Variants in APBA1 observed in about 807,000 individuals in gnomAD.
APBA1 encodes amyloid beta precursor protein binding family A member 1.
In APBA1, 55 loss-of-function variants were observed where a neutral mutation model predicts 86.6. That is an observed-to-expected ratio of 0.64 (90% confidence interval 0.51 to 0.80). APBA1 has a LOEUF of 0.80. APBA1 is among the 30% of genes least tolerant of loss of function. The pLI, the probability that APBA1 is intolerant of heterozygous loss-of-function variation, is 0.00. For missense variants in APBA1, 1,090 were observed against 1,183.0 expected, an observed-to-expected ratio of 0.92 and a Z score of 1.15; for synonymous variants, 511 against 493.9, an observed-to-expected ratio of 1.03 and a Z score of -0.46.
intron 1 of APBA1, among the ~76,000 whole-genome samples, chr9:69,608,260 T>C (rs7031694): frequency 0.33 from 50,215 of 152,048 alleles, 8,597 homozygotes; most frequent in South Asian, 0.41. Flanking sequence ...TCATAACATA[T>C]AGAAGTGTTT....
At chr9:69,633,330 T>C (rs1319370800) in intron 1 of APBA1, among the ~76,000 whole-genome samples, 1 of 151,686 alleles carries the variant, frequency 6.6e-6, no homozygotes, top group Admixed American at 6.6e-5. Context: ...GAACCCAGAC[T>C]GACACATAGG....
chr9:69,662,185 G>C (rs141187430), intron 1 of APBA1, among the ~76,000 whole-genome samples: 1 of 152,246 alleles, frequency 6.6e-6, no homozygotes, highest in Non-Finnish European at 1.5e-5. Flanking sequence ...GCCCATTCCT[G>C]TGCCTAGACC....
At chr9:69,432,955 A>G (rs1834631255) in intron 11 of APBA1, among the ~76,000 whole-genome samples, 1 of 152,136 alleles carries the variant, frequency 6.6e-6, no homozygotes. Flanking sequence ...GGGCTGGGTA[A>G]AAAGGGCCAT....
chr9:69,571,663 A>T (rs1012297291), intron 1 of APBA1, among the ~76,000 whole-genome samples: 1 of 152,192 alleles, frequency 6.6e-6, no homozygotes, highest in East Asian at 1.9e-4. Flanking sequence ...CAATGGAAAA[A>T]GTTCTAAATA....
At chr9:69,530,196 G>A (rs901326485) in intron 1 of APBA1, among the ~76,000 whole-genome samples, 4 of 151,760 alleles carry the variant, frequency 2.6e-5, no homozygotes, top group East Asian at 1.9e-4. Flanking sequence ...ATATTAAAAA[G>A]ACACATGCAC....
At chr9:69,510,483 ATGGCCATACT>A (rs1411460534) in intron 2 of APBA1, among the ~76,000 whole-genome samples, 4 of 136,742 alleles carry the variant, frequency 2.9e-5, no homozygotes, top group Non-Finnish European at 6.2e-5. Flanking sequence ...TATCGTGAAA[ATGGCCATACT>A]GCCCAAGGTA....
chr9:69,517,405 TGCAAATTTAAGTTCAATCTGACA>T, intron 1 of APBA1, 126 bp from the exon 2 acceptor site: 1 of 1,005,712 alleles, frequency 9.9e-7, no homozygotes, highest in South Asian at 3.4e-5. Flanking sequence ...AAAAAAAGAC[TGCAAATTTAAGTTCAATCTGACA>T]GCACATACAT....
At chr9:69,553,441 T>C (rs557479889) in intron 1 of APBA1, among the ~76,000 whole-genome samples, 2 of 152,344 alleles carry the variant, frequency 1.3e-5, no homozygotes, top group East Asian at 3.9e-4. Flanking sequence ...GTTCTGTTCT[T>C]GAACTTCATA....
At chr9:69,659,769 T>G (rs1014339660) in intron 1 of APBA1, among the ~76,000 whole-genome samples, 7 of 152,240 alleles carry the variant, frequency 4.6e-5, no homozygotes, top group African/African-American at 1.4e-4. Context: ...TCATCTACCA[T>G]AGCAGTAACA....
intron 2 of APBA1, among the ~76,000 whole-genome samples, chr9:69,476,909 G>A (rs1835457027): frequency 6.6e-6 from 1 of 152,210 alleles, no homozygotes; most frequent in African/African-American, 2.4e-5. Flanking sequence ...TCCCAGGTCA[G>A]TGTACACAGA....
In APBA1 at chr9:69,431,315, G is replaced by A. The variant is rs370038172; in HGVS notation, c.*12C>T. On this transcript the variant is annotated 3_prime_UTR_variant, in exon 13 of 13. Coordinates refer to ENST00000265381, the MANE Select transcript of APBA1 (RefSeq NM_001163.4). ...GAGAGTCCTCCATGCATGCCACCGC[G>A]TGTGGCCGCGGTCAGATGTAAACAG... 4.1e-5 allele frequency: 65 copies of A among 1,590,674 alleles called. No individual in the cohort carries two copies. Among genetic ancestry groups the A allele is most frequent in the African/African-American group, 6.8e-5 (5 of 73,954 alleles).
At chr9:69,510,740 C>G (rs1180700203) in intron 2 of APBA1, among the ~76,000 whole-genome samples, 1 of 144,544 alleles carries the variant, frequency 6.9e-6, no homozygotes, top group Admixed American at 7.0e-5. Context: ...ATCAATGGAA[C>G]AGAACAGAGC....
chr9:69,471,597 C>T (rs1835367410), intron 4 of APBA1, 59 bp downstream of exon 4: 5 of 1,383,218 alleles, frequency 3.6e-6, no homozygotes, highest in Non-Finnish European at 5.1e-6. Context: ...CTTCATATGC[C>T]CCAATGCTAA....
chr9:69,576,808 T>C (rs1386962337), intron 1 of APBA1, among the ~76,000 whole-genome samples: 2 of 152,208 alleles, frequency 1.3e-5, no homozygotes, highest in African/African-American at 2.4e-5. Context: ...TATACATATG[T>C]AACAAACCTG....
intron 5 of APBA1, chr9:69,462,854 G>C (rs1026510941): frequency 6.6e-6 from 1 of 152,180 alleles, no homozygotes; most frequent in African/African-American, 2.4e-5. Context: ...ACTCCTGGGT[G>C]CCACCTTCTG....
chr9:69,460,629 T>G (rs1835175178), intron 5 of APBA1: 1 of 152,070 alleles, frequency 6.6e-6, no homozygotes, highest in African/African-American at 2.4e-5. Flanking sequence ...AGGAAATAGG[T>G]TCCACCATCA....
chr9:69,651,579 G>A (rs1306880265), intron 1 of APBA1, among the ~76,000 whole-genome samples: 1 of 152,000 alleles, frequency 6.6e-6, no homozygotes, highest in Admixed American at 6.5e-5. Context: ...GGGTTCAAGC[G>A]ATTCTCCTGC....
intron 10 of APBA1, among the ~76,000 whole-genome samples, chr9:69,445,439 C>T (rs1236269694): frequency 6.6e-6 from 1 of 152,082 alleles, no homozygotes; most frequent in Non-Finnish European, 1.5e-5. Context: ...GTCCCCATGA[C>T]AACAGTGGAA....
chr9:69,458,578 A>AT (rs1231095488), intron 5 of APBA1, among the ~76,000 whole-genome samples: 3 of 152,176 alleles, frequency 2.0e-5, no homozygotes, highest in Non-Finnish European at 4.4e-5. Context: ...GCTTCCTGAG[A>AT]TAAAAACTTA....
Sources: allele counts gnomAD v4.1 joint callset (sites outside exome capture counted in the v4.1 genomes callset), GRCh38; gene constraint gnomAD v4.1.1; transcripts MANE v1.5; gene names NCBI Gene and HGNC (gene_info 2026-07-23, HGNC 2026-07-21).